Variants in DOCK7 observed in about 807,000 individuals in gnomAD.
DOCK7 encodes dedicator of cytokinesis protein 7.
DOCK7 carries 138 observed loss-of-function variants against 271.0 expected under a neutral mutation model. That is an observed-to-expected ratio of 0.51 (90% CI 0.44 to 0.59). The LOEUF (loss-of-function observed/expected upper bound fraction) is 0.59. DOCK7 is among the 20% of genes least tolerant of loss of function. The pLI is 0.00. For missense variants in DOCK7, 2,066 were observed against 2,592.4 expected (o/e 0.80, Z 4.41); for synonymous variants, 823 against 876.1 (o/e 0.94, Z 1.07).
chr1:62,458,994 A>G (rs1645433918), intron 48 of DOCK7: 1 of 152,232 alleles, frequency 6.6e-6, no homozygotes, highest in African/African-American at 2.4e-5. Context: ...TAGAAAACAC[A>G]TAGCATCAAA....
Position 62,571,867 on chromosome 1 carries a change from A to G in DOCK7, c.2112+5395T>C, listed in dbSNP as rs186071929. On this transcript the variant is annotated intron_variant, in intron 18 of 49. Coordinates refer to ENST00000635253, the MANE Select transcript of DOCK7 (RefSeq NM_001367561.1). The stretch of plus-strand genomic sequence containing the variant: ...AGCTGAACAATAAGAACACATGGAC[A>G]CAGGGAAGGAAACAATACACACTGG... 1.3e-3 allele frequency among the ~76,000 whole-genome samples: 196 copies of G among 152,258 alleles called. 1 individual carries two copies. Among genetic ancestry groups the G allele is most frequent in the Middle Eastern group, 3.4e-3 (1 of 294 alleles).
chr1:62,620,518 T>C (rs901041781), intron 12 of DOCK7, among the ~76,000 whole-genome samples: 32 of 152,074 alleles, frequency 2.1e-4, no homozygotes, highest in Non-Finnish European at 3.8e-4. Context: ...CCACTGTCTT[T>C]TTTCTTATTT....
chr1:62,563,553 A>G (rs1646404653), intron 18 of DOCK7, among the ~76,000 whole-genome samples: 1 of 152,160 alleles, frequency 6.6e-6, no homozygotes, highest in African/African-American at 2.4e-5. Context: ...AGAAAAATAC[A>G]AGAGATTTCT....
At chr1:62,679,145 A>C (rs1660843912) in intron 1 of DOCK7, among the ~76,000 whole-genome samples, 1 of 152,184 alleles carries the variant, frequency 6.6e-6, no homozygotes, top group African/African-American at 2.4e-5. Context: ...ATATCAAGAC[A>C]AGGTGGAATA....
At chr1:62,668,545 G>A (rs1659571383) in intron 1 of DOCK7, among the ~76,000 whole-genome samples, 1 of 152,150 alleles carries the variant, frequency 6.6e-6, no homozygotes. Context: ...ATAGTAAAAT[G>A]TCCTTGTATT....
At chr1:62,686,165 T>TGACATCATCATCAGAAGTAAGACC (rs1557910598) in intron 1 of DOCK7, among the ~76,000 whole-genome samples, 2 of 1,492 alleles carry the variant, frequency 1.3e-3, no homozygotes, top group African/African-American at 1.4e-3. Context: ...AACTTTTTTT[T>TGACATCATCATCAGAAGTAAGACC]TTTTTTTTTT....
In DOCK7 at chr1:62,528,207, C is replaced by A; in HGVS notation, c.3880G>T (p.Ala1294Ser). Reference sequence around the variant, plus strand: ...GTTAGTTGAGGGACCGATGTCCCTGCGATTGCCATGGCAACGGTCTGGCTT... The same window carrying A: ...GTTAGTTGAGGGACCGATGTCCCTGAGATTGCCATGGCAACGGTCTGGCTT... ...MISQTVAMAIAGTSVPQLTRP... is the reference protein window; with the variant it reads ...MISQTVAMAISGTSVPQLTRP... The change falls in exon 31 of 50, where the codon GCA becomes TCA. Residue 1294 changes from alanine to serine, a missense_variant. Transcript: ENST00000635253. 6 of 1,613,714 alleles carry A rather than the reference C, an allele frequency of 3.7e-6. No individual in the cohort carries two copies. The highest frequency in any genetic ancestry group is 5.1e-6 in the Non-Finnish European group (6 of 1,179,820).
chr1:62,539,567 A>C lies in DOCK7; in HGVS notation c.3278T>G (p.Leu1093Arg), dbSNP rs1245192917. Reference protein sequence around the residue: ...SVMDRGFVFSLIKSCYKQVSS... With the variant: ...SVMDRGFVFSRIKSCYKQVSS... Reference sequence around the variant, plus strand: ...TACCTGTTTATAGCAGGACTTTATAAGGCTAAAAACAAATCCTCTGTCCAT... The same window carrying C: ...TACCTGTTTATAGCAGGACTTTATACGGCTAAAAACAAATCCTCTGTCCAT... The change falls in exon 27 of 50, where the codon CTT becomes CGT. Residue 1093 changes from leucine (L) to arginine (R), a missense_variant. Coordinates refer to ENST00000635253, the MANE Select transcript of DOCK7 (RefSeq NM_001367561.1). 1.2e-6 allele frequency: 2 copies of C among 1,612,104 alleles called. No individual in the cohort carries two copies. Among genetic ancestry groups the C allele is most frequent in the African/African-American group, 2.7e-5 (2 of 74,852 alleles).
At chr1:62,631,176 C>T in intron 11 of DOCK7, 64 bp downstream of exon 11, 1 of 1,455,226 alleles carries the variant, frequency 6.9e-7, no homozygotes, top group Non-Finnish European at 9.2e-7. Flanking sequence ...TAGAGCGAAA[C>T]TCCATCTCAA....
chr1:62,578,265 A>C (rs1048772259), intron 17 of DOCK7, among the ~76,000 whole-genome samples: 1 of 152,172 alleles, frequency 6.6e-6, no homozygotes, highest in Non-Finnish European at 1.5e-5. Flanking sequence ...TTGGGTATAC[A>C]CCTAATAATC....
intron 7 of DOCK7, among the ~76,000 whole-genome samples, chr1:62,644,284 C>A (rs1196741683): frequency 6.6e-6 from 1 of 152,182 alleles, no homozygotes; most frequent in South Asian, 2.1e-4. Flanking sequence ...AGCTTATGAC[C>A]TGGAATTCTC....
chr1:62,570,152 C>T (rs1171644346), intron 18 of DOCK7, among the ~76,000 whole-genome samples: 1 of 152,178 alleles, frequency 6.6e-6, no homozygotes, highest in East Asian at 1.9e-4. Context: ...TCTAGAAAAA[C>T]CCACTGTCTC....
chr1:62,562,781 G>A (rs1646370643), intron 18 of DOCK7, among the ~76,000 whole-genome samples: 1 of 152,046 alleles, frequency 6.6e-6, no homozygotes, highest in African/African-American at 2.4e-5. Flanking sequence ...TAGAGAGGAT[G>A]GCAACCCAGA....
At chr1:62,481,125 C>T (rs1015251187) in intron 43 of DOCK7, among the ~76,000 whole-genome samples, 3 of 151,652 alleles carry the variant, frequency 2.0e-5, no homozygotes, top group African/African-American at 7.3e-5. Flanking sequence ...AATCCCTGAG[C>T]GACGTGCATC....
intron 14 of DOCK7, among the ~76,000 whole-genome samples, chr1:62,595,527 C>T (rs1334183375): frequency 2.6e-5 from 4 of 152,140 alleles, no homozygotes; most frequent in Admixed American, 2.0e-4. Context: ...ATGCTCTTAA[C>T]CACTATGGAA....
chr1:62,651,487 A>G (rs1657368193), intron 4 of DOCK7, among the ~76,000 whole-genome samples: 1 of 144,686 alleles, frequency 6.9e-6, no homozygotes, highest in African/African-American at 2.5e-5. Context: ...AGTTTATCGC[A>G]TGGCTCGCAG....
In DOCK7 at chr1:62,631,394, T is replaced by C. The variant is rs1374877366; in HGVS notation, c.1128A>G (p.Lys376=). The change falls in exon 11 of 50, where the codon AAA becomes AAG. Residue 376 remains lysine (K), a synonymous_variant. Transcript: ENST00000635253. The part of the protein sequence containing the change: ...KEADATKNKE[K]LEKLKSQADQ... ...CTGCTTGACTCTTCAGTTTCTCCAG[T>C]TTTTCTTTATTCTGCAAAACAGAAC... The C allele has an allele frequency of 3.8e-6, 6 of 1,597,628 alleles. No individual in the cohort carries two copies. In the East Asian group the frequency reaches 8.9e-5, roughly 24 times the overall value.
chr1:62,490,079 T>TA (rs1553154534), intron 41 of DOCK7, among the ~76,000 whole-genome samples: 74 of 150,380 alleles, frequency 4.9e-4, no homozygotes, highest in East Asian at 5.9e-4. Context: ...TTTTTTTTTT[T>TA]AAATAATAAG....
intron 22 of DOCK7, 58 bp from the exon 23 acceptor site, chr1:62,545,097 T>C (rs879334293): frequency 4.3e-6 from 6 of 1,382,678 alleles, no homozygotes; most frequent in Admixed American, 2.4e-5. Context: ...TTGCATGCTA[T>C]AAATTATTCT....
Sources: gnomAD v4.1 joint callset for allele counts (sites outside exome capture counted in the v4.1 genomes callset) on GRCh38, gnomAD v4.1.1 for gene constraint, MANE v1.5 for transcripts, NCBI Gene and HGNC (gene_info 2026-07-23, HGNC 2026-07-21) for gene names.